Variants in SNX7 observed in about 807,000 individuals in gnomAD.
The protein encoded by SNX7 is sorting nexin-7.
A neutral mutation model predicts 48.4 loss-of-function variants in SNX7; 35 were observed. The observed-to-expected ratio is 0.72, with a 90% confidence interval of 0.55 to 0.96. The LOEUF is 0.96. Ranked by LOEUF, SNX7 falls within the 40% of genes least tolerant of loss-of-function variation. The pLI is 0.00. For synonymous variants in SNX7, 190 were observed against 190.2 expected, an observed-to-expected ratio of 1.00 and a Z score of 0.01; for missense variants, 553 against 548.9, an observed-to-expected ratio of 1.01 and a Z score of -0.07.
At position 98,704,105 on chromosome 1, in the gene SNX7, C is replaced by T. The variant is rs541453233; in HGVS notation, c.1125+2202C>T. 8.6e-5 allele frequency among the ~76,000 whole-genome samples: 13 copies of T among 150,870 alleles called. No homozygotes were observed. The South Asian group carries it at 2.7e-3, about 31-fold the overall frequency. ...AAAAACACATTATTTTTCCACTGGG[C>T]TTGCAAATATTTTGTCTTCTGCTGT... On this transcript the variant is annotated intron_variant, in intron 7 of 8. Transcript: ENST00000306121.
At chr1:98,702,773 A>G (rs965357685) in intron 7 of SNX7, among the ~76,000 whole-genome samples, 1 of 152,108 alleles carries the variant, frequency 6.6e-6, no homozygotes, top group Non-Finnish European at 1.5e-5. Context: ...GAAGTGGGAA[A>G]AATGGACTTT....
chr1:98,661,783 G>C lies in SNX7; in HGVS notation c.52G>C (p.Gly18Arg), dbSNP rs1360393755. ...GGCGCCCTCCTCGGGCCTCCCGGCC[G>C]GGGGCGCCAACGGGGAGAGCCCGGG... ...SQAPSSGLPA[G>R]GANGESPGGG... Residue 18 changes from glycine to arginine, a missense_variant, in exon 1 of 9, where the codon GGG becomes CGG. By Grantham distance (125) the Gly-to-Arg change is moderately radical. Coordinates refer to ENST00000306121, the MANE Select transcript of SNX7 (RefSeq NM_015976.5). The C allele has an allele frequency of 3.2e-6, 4 of 1,242,660 alleles. No individual in the cohort carries two copies. The African/African-American group carries it at 6.2e-5, about 19-fold the overall frequency. 77.0% of individuals were successfully genotyped at this position (1,242,660 alleles called of 1,614,324 possible). A position where few individuals can be genotyped will look rare whatever the true frequency, so the allele number is the denominator to read the frequency against.
At chr1:98,726,881 T>G (rs1398686245) in intron 7 of SNX7, among the ~76,000 whole-genome samples, 2 of 152,198 alleles carry the variant, frequency 1.3e-5, no homozygotes, top group Non-Finnish European at 2.9e-5. Flanking sequence ...GTCCTGTGTC[T>G]AGGCCAATGC....
At chr1:98,741,017 G>A (rs12064185) in intron 8 of SNX7, among the ~76,000 whole-genome samples, 32,905 of 151,974 alleles carry the variant, frequency 0.22, 3,895 homozygotes, top group East Asian at 0.31. Context: ...GGGATTCTTA[G>A]CAGAAAGATT....
rs753908527 is a variant in SNX7, at chr1:98,695,717, G to A, written c.838+1G>A. 1.3e-6 allele frequency: 2 copies of A among 1,536,568 alleles called. No homozygotes were observed. Among genetic ancestry groups the A allele is most frequent in the Non-Finnish European group, 1.8e-6 (2 of 1,110,190 alleles). ...CAGAGAATTTATAAGGAAGAAAGGG[G>A]TAAGTAGAATTACTGAAATGTGATT... On this transcript the variant is annotated splice_donor_variant, in intron 5 of 8. Transcript: ENST00000306121. LOFTEE classifies it high-confidence loss of function.
At chr1:98,738,511 C>T (rs969905633) in intron 8 of SNX7, 122 bp downstream of exon 8, 15 of 952,802 alleles carry the variant, frequency 1.6e-5, no homozygotes, top group Non-Finnish European at 2.3e-5. Flanking sequence ...TCTCTGGTAG[C>T]TTGGTTTTGA....
At chr1:98,710,678 A>T (rs755296636) in intron 7 of SNX7, among the ~76,000 whole-genome samples, 1 of 152,296 alleles carries the variant, frequency 6.6e-6, no homozygotes, top group South Asian at 2.1e-4. Context: ...TTTTGTTAAT[A>T]AGAAATATGT....
At chr1:98,686,358 A>C (rs1434740229) in intron 2 of SNX7, among the ~76,000 whole-genome samples, 1 of 152,166 alleles carries the variant, frequency 6.6e-6, no homozygotes. Context: ...AATAGAACTC[A>C]CTTCTGTAGG....
intron 1 of SNX7, among the ~76,000 whole-genome samples, chr1:98,669,591 C>T (rs1649740130): frequency 6.6e-6 from 1 of 152,206 alleles, no homozygotes; most frequent in Non-Finnish European, 1.5e-5. Flanking sequence ...TCTCAGACCC[C>T]AGTGAATTGG....
At chr1:98,662,278 G>A (rs890309084) in intron 1 of SNX7, 8 of 173,152 alleles carry the variant, frequency 4.6e-5, no homozygotes, top group Admixed American at 6.2e-5. Flanking sequence ...AACCGCTCCC[G>A]CCAGCTGCTT....
At chr1:98,715,730 G>A (rs764090489) in intron 7 of SNX7, among the ~76,000 whole-genome samples, 4 of 152,040 alleles carry the variant, frequency 2.6e-5, no homozygotes, top group East Asian at 1.9e-4. Flanking sequence ...TCTGACTCTC[G>A]TATGCTTTAC....
At chr1:98,691,398 A>G in intron 3 of SNX7, 137 bp from the exon 4 acceptor site, 1 of 832,292 alleles carries the variant, frequency 1.2e-6, no homozygotes, top group Non-Finnish European at 1.7e-6. Context: ...TGGTTCTAAC[A>G]TTGTGAATTT....
At chr1:98,752,883 CT>C (rs1397644791) in intron 8 of SNX7, among the ~76,000 whole-genome samples, 7 of 152,024 alleles carry the variant, frequency 4.6e-5, no homozygotes, top group Non-Finnish European at 8.8e-5. Flanking sequence ...GTCAGGGTTT[CT>C]TACCTACTTC....
intron 7 of SNX7, among the ~76,000 whole-genome samples, chr1:98,708,792 A>T (rs931346420): frequency 3.3e-5 from 5 of 152,146 alleles, no homozygotes; most frequent in Non-Finnish European, 7.4e-5. Flanking sequence ...TATTTATATA[A>T]ACTTGTAAAG....
intron 8 of SNX7, among the ~76,000 whole-genome samples, chr1:98,738,847 T>G (rs1026842569): frequency 6.6e-6 from 1 of 151,876 alleles, no homozygotes; most frequent in Non-Finnish European, 1.5e-5. Context: ...TTCAGATGAT[T>G]GTATTTCAAT....
At chr1:98,722,239 A>G (rs1264350816) in intron 7 of SNX7, among the ~76,000 whole-genome samples, 2 of 152,098 alleles carry the variant, frequency 1.3e-5, no homozygotes, top group African/African-American at 4.8e-5. Context: ...AGTGGGTTTC[A>G]GAGAGAGAGG....
Position 98,665,698 on chromosome 1 carries a change from C to T in SNX7, c.180+3787C>T, listed in dbSNP as rs931373442. 4.6e-5 allele frequency among the ~76,000 whole-genome samples: 7 copies of T among 152,234 alleles called. No homozygotes were observed. The East Asian group carries it at 1.4e-3, about 29-fold the overall frequency. On this transcript the variant is annotated intron_variant, in intron 1 of 8. Coordinates refer to ENST00000306121, the MANE Select transcript of SNX7 (RefSeq NM_015976.5). ...CTGCCTCCCGGGTTCAAGCAATTCT[C>T]CTGCCTCAGCCTCCTGAGTAGCTGG...
chr1:98,725,736 G>C (rs1309425670), intron 7 of SNX7, among the ~76,000 whole-genome samples: 1 of 152,036 alleles, frequency 6.6e-6, no homozygotes, highest in African/African-American at 2.4e-5. Flanking sequence ...TCCATAATTT[G>C]CAAGACACTA....
In SNX7 at chr1:98,684,953, C is replaced by T. The variant is rs2100940116; in HGVS notation, c.249C>T (p.Asn83=). The change falls in exon 2 of 9, where the codon AAC becomes AAT. Residue 83 remains asparagine, a synonymous_variant. Coordinates refer to ENST00000306121, the MANE Select transcript of SNX7 (RefSeq NM_015976.5). ...MMPTSPLSMI[N]QIKFEDEPDL... ...CAACATCCCCTTTATCAATGATAAACCAAATCAAGTTTGAGGATGAACCAG... is the reference window on the plus strand; with the variant it reads ...CAACATCCCCTTTATCAATGATAAATCAAATCAAGTTTGAGGATGAACCAG... The T allele has an allele frequency of 6.3e-7, 1 of 1,599,216 alleles. No homozygotes were observed. The highest frequency in any genetic ancestry group is 2.2e-5 in the East Asian group (1 of 44,628).
Sources: gnomAD v4.1 joint callset for allele counts (sites outside exome capture counted in the v4.1 genomes callset) on GRCh38, gnomAD v4.1.1 for gene constraint, MANE v1.5 for transcripts, NCBI Gene and HGNC (gene_info 2026-07-23, HGNC 2026-07-21) for gene names.